The following PCBD2 variants were observed in gnomAD, a reference collection of about 807,000 sequenced individuals.
PCBD2 encodes pterin-4-alpha-carbinolamine dehydratase 2.
PCBD2 carries 12 observed loss-of-function variants against 16.4 expected under a neutral mutation model. That is an observed-to-expected ratio of 0.73 (90% CI 0.47 to 1.19). The LOEUF (loss-of-function observed/expected upper bound fraction) is 1.19. PCBD2 is among the 50% of genes most tolerant of loss of function. The pLI is 0.00. For missense variants in PCBD2, 138 were observed against 156.8 expected, an observed-to-expected ratio of 0.88 and a Z score of 0.64; for synonymous variants, 58 against 61.8, an observed-to-expected ratio of 0.94 and a Z score of 0.29.
chr5:134,961,386 A>G lies in PCBD2; in HGVS notation c.*705A>G, dbSNP rs992153339. The G allele has an allele frequency of 6.6e-6, 1 of 151,184 alleles. No homozygotes were observed. Among genetic ancestry groups the G allele is most frequent in the Non-Finnish European group, 1.5e-5 (1 of 67,778 alleles). The allele number at this position is 151,184 out of a possible 1,614,324, so 9.4% of individuals were successfully genotyped here. On this transcript the variant is annotated 3_prime_UTR_variant, in exon 4 of 4. Transcript: ENST00000254908. The stretch of plus-strand genomic sequence containing the variant: ...CTGCAACCTCTGCCTCCCAGGTTCA[A>G]ATGATTCTCCTGCCACAGCCTCCCG...
chr5:134,919,984 T>C (rs1474777878), intron 2 of PCBD2, among the ~76,000 whole-genome samples: 8 of 152,210 alleles, frequency 5.3e-5, no homozygotes, highest in Non-Finnish European at 1.0e-4. Flanking sequence ...TGAGCAGTGC[T>C]GCACTCACAT....
chr5:134,914,105 C>T (rs895848996), intron 2 of PCBD2, among the ~76,000 whole-genome samples: 4 of 152,080 alleles, frequency 2.6e-5, no homozygotes, highest in African/African-American at 9.7e-5. Context: ...ACTGTGAGAG[C>T]ATGGTCCAGT....
intron 2 of PCBD2, among the ~76,000 whole-genome samples, chr5:134,916,336 G>A (rs1396719638): frequency 6.6e-6 from 1 of 152,098 alleles, no homozygotes; most frequent in Admixed American, 6.5e-5. Context: ...CATTTTGTTT[G>A]TATTGCTCAA....
chr5:134,919,577 AGTG>A (rs1391887558), intron 2 of PCBD2, among the ~76,000 whole-genome samples: 10 of 152,212 alleles, frequency 6.6e-5, no homozygotes, highest in Middle Eastern at 3.2e-3. Flanking sequence ...CTTGGTATAA[AGTG>A]GTCACAAATG....
chr5:134,932,427 C>T (rs376390239), intron 2 of PCBD2, among the ~76,000 whole-genome samples: 23 of 152,084 alleles, frequency 1.5e-4, no homozygotes, highest in African/African-American at 5.1e-4. Context: ...CTGCAACCTC[C>T]GTCTCCTGGG....
chr5:134,938,027 G>C (rs1410222347), intron 2 of PCBD2, among the ~76,000 whole-genome samples: 1 of 152,184 alleles, frequency 6.6e-6, no homozygotes, highest in African/African-American at 2.4e-5. Context: ...GAATTTGAAT[G>C]GAATTGCTTT....
chr5:134,946,420 A>T (rs1297811942), intron 2 of PCBD2, among the ~76,000 whole-genome samples: 3 of 152,272 alleles, frequency 2.0e-5, no homozygotes, highest in East Asian at 3.9e-4. Context: ...CCATGGACAC[A>T]TTGCTGCCGT....
intron 2 of PCBD2, chr5:134,923,741 A>T (rs879149600): frequency 2.6e-6 from 1 of 391,066 alleles, no homozygotes; most frequent in Non-Finnish European, 4.5e-6. Flanking sequence ...ATGAGCCGTA[A>T]TATAGGCCTC....
intron 2 of PCBD2, among the ~76,000 whole-genome samples, chr5:134,928,867 T>C (rs549361004): frequency 4.6e-5 from 7 of 152,148 alleles, no homozygotes; most frequent in African/African-American, 1.7e-4. Flanking sequence ...CTGGAAGTGA[T>C]ATTTACTGAG....
intron 2 of PCBD2, among the ~76,000 whole-genome samples, chr5:134,936,689 T>G (rs541319760): frequency 6.6e-6 from 1 of 152,332 alleles, no homozygotes; most frequent in South Asian, 2.1e-4. Flanking sequence ...GGGACAGGAT[T>G]CATGACATGC....
At chr5:134,948,314 T>C (rs1329003045) in intron 2 of PCBD2, among the ~76,000 whole-genome samples, 2 of 152,240 alleles carry the variant, frequency 1.3e-5, no homozygotes, top group Non-Finnish European at 2.9e-5. Context: ...AAGATACTCA[T>C]AGCTAGTGAT....
chr5:134,935,360 T>G (rs1020317902), intron 2 of PCBD2, among the ~76,000 whole-genome samples: 8 of 152,226 alleles, frequency 5.3e-5, no homozygotes, highest in African/African-American at 1.9e-4. Flanking sequence ...CTCATCCCTT[T>G]CCCTCCTTTA....
At chr5:134,936,896 T>A (rs1391962337) in intron 2 of PCBD2, among the ~76,000 whole-genome samples, 1 of 152,182 alleles carries the variant, frequency 6.6e-6, no homozygotes, top group Non-Finnish European at 1.5e-5. Flanking sequence ...CCTAAAATGA[T>A]CATTGAAGTG....
intron 2 of PCBD2, among the ~76,000 whole-genome samples, chr5:134,947,373 A>G (rs1751307612): frequency 6.9e-6 from 1 of 145,580 alleles, no homozygotes; most frequent in Admixed American, 7.0e-5. Flanking sequence ...GGTTACAGCC[A>G]TCGCGCCCGG....
At chr5:134,927,123 G>C (rs58715873) in intron 2 of PCBD2, 4 of 398,442 alleles carry the variant, frequency 1.0e-5, no homozygotes, top group Non-Finnish European at 1.8e-5. Context: ...GCTTCAGGGG[G>C]TTTGGATGAG....
At chr5:134,941,990 C>T (rs1355938917) in intron 2 of PCBD2, among the ~76,000 whole-genome samples, 2 of 150,004 alleles carry the variant, frequency 1.3e-5, no homozygotes, top group Non-Finnish European at 3.0e-5. Context: ...GTTAGCCGGG[C>T]GTGGTGGCGG....
chr5:134,908,246 T>C (rs1218438335), intron 1 of PCBD2, among the ~76,000 whole-genome samples: 1 of 150,894 alleles, frequency 6.6e-6, no homozygotes, highest in African/African-American at 2.4e-5. Context: ...TTTTTTTTTT[T>C]TTGAGACAGA....
chr5:134,905,804 G>C (rs1403767756), intron 1 of PCBD2: 1 of 152,294 alleles, frequency 6.6e-6, no homozygotes, highest in African/African-American at 2.4e-5. Flanking sequence ...TAGTGGAAAA[G>C]TGGTGCGTTA....
At chr5:134,928,696 G>C (rs1334664529) in intron 2 of PCBD2, among the ~76,000 whole-genome samples, 1 of 152,152 alleles carries the variant, frequency 6.6e-6, no homozygotes, top group Non-Finnish European at 1.5e-5. Flanking sequence ...TTAGCCAGGC[G>C]TGGTGGCGGG....
Sources: allele counts gnomAD v4.1 joint callset (sites outside exome capture counted in the v4.1 genomes callset), GRCh38; gene constraint gnomAD v4.1.1; transcripts MANE v1.5; gene names NCBI Gene and HGNC (gene_info 2026-07-23, HGNC 2026-07-21).